FAM163A: variants seen among roughly 807,000 people sequenced by gnomAD.
The protein encoded by FAM163A is family with sequence similarity 163 member A, also known as protein FAM163A.
A neutral mutation model predicts 12.0 loss-of-function variants in FAM163A; 7 were observed. The observed-to-expected ratio is 0.58, with a 90% CI of 0.33 to 1.10. The LOEUF (loss-of-function observed/expected upper bound fraction) is 1.10. Ranked by LOEUF, FAM163A falls within the 50% of genes least tolerant of loss-of-function variation. The probability of loss-of-function intolerance (pLI) is 0.03; values close to 1 mark genes in which losing one functional copy is unlikely to be tolerated. For synonymous variants in FAM163A, 101 were observed against 91.0 expected, an observed-to-expected ratio of 1.11 and a Z score of -0.62; for missense variants, 202 against 218.6, an observed-to-expected ratio of 0.92 and a Z score of 0.48.
At chr1:179,777,309 A>G (rs576679551) in intron 1 of FAM163A, among the ~76,000 whole-genome samples, 1 of 152,320 alleles carries the variant, frequency 6.6e-6, no homozygotes, top group Non-Finnish European at 1.5e-5. Flanking sequence ...CACTGAAGAG[A>G]AATATTACTC....
chr1:179,783,312 T>C (rs1403174891), intron 1 of FAM163A, among the ~76,000 whole-genome samples: 1 of 152,148 alleles, frequency 6.6e-6, no homozygotes, highest in Non-Finnish European at 1.5e-5. Flanking sequence ...TGTTAATAAC[T>C]AACATTTATT....
chr1:179,745,503 C>G (rs2504040), intron 1 of FAM163A, among the ~76,000 whole-genome samples: 93,592 of 151,932 alleles, frequency 0.62, 29,605 homozygotes, highest in African/African-American at 0.76. Flanking sequence ...GCAAACTTTA[C>G]AAGGCTGAGG....
chr1:179,796,551 C>A (rs1692347984), intron 1 of FAM163A, among the ~76,000 whole-genome samples: 1 of 152,204 alleles, frequency 6.6e-6, no homozygotes, highest in East Asian at 1.9e-4. Flanking sequence ...CCCCCAAAGT[C>A]TCCTCCTCCT....
intron 1 of FAM163A, among the ~76,000 whole-genome samples, chr1:179,746,229 C>G (rs1684442275): frequency 6.6e-6 from 1 of 152,174 alleles, no homozygotes; most frequent in South Asian, 2.1e-4. Flanking sequence ...AACGCCCATG[C>G]CATCTGACCT....
At chr1:179,796,132 TAC>T (rs35899165) in intron 1 of FAM163A, among the ~76,000 whole-genome samples, 23,498 of 144,722 alleles carry the variant, frequency 0.16, 2,013 homozygotes, top group Non-Finnish European at 0.21. Flanking sequence ...CATTCAATAA[TAC>T]ACACACACAC....
chr1:179,773,747 T>A (rs540749409), intron 1 of FAM163A, among the ~76,000 whole-genome samples: 2 of 152,310 alleles, frequency 1.3e-5, no homozygotes, highest in East Asian at 3.9e-4. Context: ...AGCATCGGCC[T>A]CTAGAGAGCA....
chr1:179,756,419 G>A (rs1026964894), intron 1 of FAM163A, among the ~76,000 whole-genome samples: 1 of 152,218 alleles, frequency 6.6e-6, no homozygotes, highest in Non-Finnish European at 1.5e-5. Flanking sequence ...AAGAGGACAT[G>A]TCTAGGACTT....
In FAM163A at chr1:179,791,457, G is replaced by A. The variant is rs554554056; in HGVS notation, c.-135-16341G>A. On this transcript the variant is annotated intron_variant, in intron 1 of 4. Transcript: ENST00000341785. ...CAGCATGGCCAGGAGGCAGTTCTTT[G>A]GGGACAGGGGATGGAACCTGTACAA... is the stretch of plus-strand genomic sequence containing the variant. Among the ~76,000 whole-genome samples, 11 of 152,272 alleles carry A rather than the reference G, an allele frequency of 7.2e-5. No individual in the cohort carries two copies. The South Asian group carries it at 2.1e-3, about 29-fold the overall frequency.
chr1:179,735,968 T>C, the FAM163A span, among the ~76,000 whole-genome samples: 1 of 152,192 alleles, frequency 6.6e-6, no homozygotes, highest in African/African-American at 2.4e-5. Context: ...GAAAAGTGGA[T>C]AGCCACATGT....
At chr1:179,740,312 G>T (rs1047356531), upstream of FAM163A, among the ~76,000 whole-genome samples, 2 of 152,044 alleles carry the variant, frequency 1.3e-5, no homozygotes, top group Admixed American at 6.6e-5. Context: ...TTGTGTAGCT[G>T]GGACTTCAGG....
At chr1:179,744,495 C>A (rs1421320955) in intron 1 of FAM163A, among the ~76,000 whole-genome samples, 2 of 152,150 alleles carry the variant, frequency 1.3e-5, no homozygotes, top group African/African-American at 4.8e-5. Flanking sequence ...CTCTGCGGCT[C>A]CGAAGGCCGC....
intron 1 of FAM163A, chr1:179,803,979 C>T (rs1693569664): frequency 6.8e-6 from 1 of 146,424 alleles, no homozygotes; most frequent in South Asian, 2.2e-4. Flanking sequence ...TGCTTGCCTC[C>T]AGGCCAGGCG....
At chr1:179,747,267 G>T (rs1368395452) in intron 1 of FAM163A, among the ~76,000 whole-genome samples, 1 of 152,070 alleles carries the variant, frequency 6.6e-6, no homozygotes. Context: ...GCATCAATCA[G>T]TGTGTCCTAC....
At position 179,802,000 on chromosome 1, in the gene FAM163A, A is replaced by G. The variant is rs536203066; in HGVS notation, c.-135-5798A>G. On this transcript the variant is annotated intron_variant, in intron 1 of 4. Coordinates refer to ENST00000341785, the MANE Select transcript of FAM163A (RefSeq NM_173509.3). ...GGAAGGCCAAACAAAAATGTGCAGC[A>G]TTTAGTCAATCCTGGAAGGCTCCCT... Among the ~76,000 whole-genome samples, 40 of 152,366 alleles carry G rather than the reference A, an allele frequency of 2.6e-4. 1 individual carries two copies. In the South Asian group the frequency reaches 8.1e-3, roughly 31 times the overall value.
At chr1:179,731,658 C>T in the FAM163A span, among the ~76,000 whole-genome samples, 2 of 152,210 alleles carry the variant, frequency 1.3e-5, no homozygotes. Context: ...CCCAGCAAGA[C>T]TAAGCATTGC....
intron 1 of FAM163A, among the ~76,000 whole-genome samples, chr1:179,801,844 G>A (rs1394610830): frequency 6.6e-6 from 1 of 152,164 alleles, no homozygotes; most frequent in Non-Finnish European, 1.5e-5. Context: ...GGCCGGAGTG[G>A]AGCTTAACAA....
At chr1:179,784,635 T>C (rs1690348612) in intron 1 of FAM163A, among the ~76,000 whole-genome samples, 1 of 152,138 alleles carries the variant, frequency 6.6e-6, no homozygotes, top group South Asian at 2.1e-4. Flanking sequence ...GGGCTTATCT[T>C]GAGAAAGCAC....
At chr1:179,771,303 C>G (rs1688252092) in intron 1 of FAM163A, among the ~76,000 whole-genome samples, 1 of 152,200 alleles carries the variant, frequency 6.6e-6, no homozygotes, top group Non-Finnish European at 1.5e-5. Flanking sequence ...AGAGTCCCAC[C>G]CAGCACTGGG....
At chr1:179,765,128 G>A (rs1571372219) in intron 1 of FAM163A, among the ~76,000 whole-genome samples, 1 of 152,088 alleles carries the variant, frequency 6.6e-6, no homozygotes, top group Non-Finnish European at 1.5e-5. Context: ...TTTCTTCCTC[G>A]CCCCATGGCT....
Sources: allele counts gnomAD v4.1 joint callset (sites outside exome capture counted in the v4.1 genomes callset), GRCh38; gene constraint gnomAD v4.1.1; transcripts MANE v1.5; gene names NCBI Gene and HGNC (gene_info 2026-07-23, HGNC 2026-07-21).